Variants in PARD3 observed in about 807,000 individuals in gnomAD.
The protein encoded by PARD3 is partitioning defective 3 homolog.
In PARD3, 75 loss-of-function variants were observed where a neutral mutation model predicts 155.4. The ratio of observed to expected loss-of-function variants is 0.48; its 90% CI spans 0.40 to 0.58. The LOEUF (loss-of-function observed/expected upper bound fraction) is 0.58, where lower values mean the gene tolerates loss of function less well. Among genes scored for constraint, PARD3 ranks in the 20% least tolerant of loss-of-function variants. The probability of loss-of-function intolerance (pLI) is 0.00; values close to 1 mark genes in which losing one functional copy is unlikely to be tolerated. For missense variants in PARD3, 1,642 were observed against 1,721.7 expected, an observed-to-expected ratio of 0.95 and a Z score of 0.82; for synonymous variants, 576 against 610.5, an observed-to-expected ratio of 0.94 and a Z score of 0.83.
At chr10:34,560,674 C>T (rs1328066527) in intron 2 of PARD3, among the ~76,000 whole-genome samples, 1 of 152,196 alleles carries the variant, frequency 6.6e-6, no homozygotes, top group Non-Finnish European at 1.5e-5. Flanking sequence ...AAAGCCTTTT[C>T]AAGAATGGGA....
chr10:34,665,988 G>C (rs1017313233), intron 2 of PARD3, among the ~76,000 whole-genome samples: 1 of 151,810 alleles, frequency 6.6e-6, no homozygotes, highest in Non-Finnish European at 1.5e-5. Flanking sequence ...CCAAGGCAAG[G>C]GGCTTACTTG....
intron 2 of PARD3, among the ~76,000 whole-genome samples, chr10:34,685,484 T>C (rs936839612): frequency 1.3e-5 from 2 of 152,178 alleles, no homozygotes; most frequent in Non-Finnish European, 2.9e-5. Flanking sequence ...TCATAATTCA[T>C]GTTTACTTAC....
chr10:34,712,708 G>C (rs1226970356), intron 1 of PARD3, among the ~76,000 whole-genome samples: 1 of 151,974 alleles, frequency 6.6e-6, no homozygotes, highest in African/African-American at 2.4e-5. Flanking sequence ...CAAGATAAAA[G>C]GCCTTTTTTA....
chr10:34,695,261 G>A (rs898985940), intron 2 of PARD3, among the ~76,000 whole-genome samples: 3 of 152,060 alleles, frequency 2.0e-5, no homozygotes, highest in Non-Finnish European at 4.4e-5. Flanking sequence ...CGGATCATGA[G>A]GTCAGGAGTT....
chr10:34,160,254 A>G (rs1949210363), intron 22 of PARD3, among the ~76,000 whole-genome samples: 1 of 152,226 alleles, frequency 6.6e-6, no homozygotes, highest in Non-Finnish European at 1.5e-5. Context: ...AAATATAGGG[A>G]AAAACTTTGA....
intron 3 of PARD3, among the ~76,000 whole-genome samples, chr10:34,489,172 T>G (rs774663633): frequency 6.6e-6 from 1 of 152,174 alleles, no homozygotes; most frequent in Non-Finnish European, 1.5e-5. Flanking sequence ...ACCCTGTCTC[T>G]ACTAAAAATA....
intron 22 of PARD3, among the ~76,000 whole-genome samples, chr10:34,254,578 G>A (rs935086966): frequency 7.5e-6 from 1 of 133,872 alleles, no homozygotes; most frequent in Non-Finnish European, 1.6e-5. Flanking sequence ...GTGTGTGTGT[G>A]TATAAAAATT....
chr10:34,580,857 G>A (rs986385993), intron 2 of PARD3, among the ~76,000 whole-genome samples: 3 of 152,156 alleles, frequency 2.0e-5, no homozygotes, highest in Admixed American at 6.5e-5. Flanking sequence ...CTCACACAAG[G>A]AAATGTGTAC....
At chr10:34,608,426 T>C (rs2090627942) in intron 2 of PARD3, among the ~76,000 whole-genome samples, 1 of 152,162 alleles carries the variant, frequency 6.6e-6, no homozygotes. Context: ...ATCTAGTTCT[T>C]AGGCACCACC....
intron 22 of PARD3, among the ~76,000 whole-genome samples, chr10:34,163,296 G>T (rs1343993695): frequency 1.3e-5 from 2 of 152,260 alleles, no homozygotes; most frequent in Non-Finnish European, 2.9e-5. Flanking sequence ...AAAACAATTA[G>T]ACTAAGATTA....
intron 5 of PARD3, among the ~76,000 whole-genome samples, chr10:34,408,847 TATA>T (rs141193482): frequency 0.067 from 10,096 of 151,542 alleles, 447 homozygotes; most frequent in Non-Finnish European, 0.095. Context: ...GATATAATAA[TATA>T]ATAATATATA....
At chr10:34,514,608 C>G (rs888076351) in intron 3 of PARD3, among the ~76,000 whole-genome samples, 2 of 152,166 alleles carry the variant, frequency 1.3e-5, no homozygotes, top group African/African-American at 2.4e-5. Flanking sequence ...AAAATGAGAA[C>G]AAGAAAATAA....
At position 34,574,536 on chromosome 10, in the gene PARD3, A is replaced by G. The variant is rs377638905; in HGVS notation, c.223-57377T>C. Among the ~76,000 whole-genome samples the G allele has an allele frequency of 2.5e-4, 38 of 152,326 alleles. No homozygotes were observed. The East Asian group carries it at 4.6e-3, about 19-fold the overall frequency. On this transcript the variant is annotated intron_variant, in intron 2 of 24. Transcript: ENST00000374788. Reference sequence around the variant, plus strand: ...AAAATCCAAAGTTACATGACTCCAAAATAGTGACCCATCCCAGTGCATACG... The same window carrying G: ...AAAATCCAAAGTTACATGACTCCAAGATAGTGACCCATCCCAGTGCATACG...
At chr10:34,520,192 T>A (rs1414720272) in intron 2 of PARD3, among the ~76,000 whole-genome samples, 1 of 152,208 alleles carries the variant, frequency 6.6e-6, no homozygotes, top group East Asian at 1.9e-4. Context: ...CATTTATATA[T>A]CATCAATCCA....
intron 22 of PARD3, among the ~76,000 whole-genome samples, chr10:34,185,965 C>T (rs1461841570): frequency 1.3e-5 from 2 of 151,914 alleles, no homozygotes; most frequent in Non-Finnish European, 2.9e-5. Context: ...TTACGTATCA[C>T]CTTCATCTTA....
intron 2 of PARD3, among the ~76,000 whole-genome samples, chr10:34,690,183 A>T (rs1564512173): frequency 2.6e-5 from 4 of 152,138 alleles, no homozygotes. Context: ...ACCTCAAGTG[A>T]TCTGCCCACC....
intron 24 of PARD3, among the ~76,000 whole-genome samples, chr10:34,117,407 C>T (rs542444033): frequency 2.4e-4 from 36 of 152,088 alleles, no homozygotes; most frequent in East Asian, 7.7e-4. Context: ...CTCACCCTTC[C>T]GATGGAATGC....
At position 34,811,809 on chromosome 10, in the gene PARD3, C is replaced by T. The variant is rs118071110; in HGVS notation, c.120+3067G>A. Among the ~76,000 whole-genome samples, 6 of 152,296 alleles carry T rather than the reference C, an allele frequency of 3.9e-5. No individual in the cohort carries two copies. In the East Asian group the frequency reaches 1.2e-3, roughly 29 times the overall value. On this transcript the variant is annotated intron_variant, in intron 1 of 24. Transcript: ENST00000374788. The stretch of plus-strand genomic sequence containing the variant: ...TCAGCACCATGTCCACCTGGAATCA[C>T]GCGTGTCAGGTCGCAAGCGCAGAAG...
At chr10:34,696,239 G>A (rs1822181129) in intron 2 of PARD3, 79 bp downstream of exon 2, 1 of 762,806 alleles carries the variant, frequency 1.3e-6, no homozygotes, top group East Asian at 2.5e-5. Flanking sequence ...AAAACAGAAA[G>A]GAAAAGAATC....
Sources: allele counts gnomAD v4.1 joint callset (sites outside exome capture counted in the v4.1 genomes callset), GRCh38; gene constraint gnomAD v4.1.1; transcripts MANE v1.5; gene names NCBI Gene and HGNC (gene_info 2026-07-23, HGNC 2026-07-21).